Variants in ABCA1 observed in about 807,000 individuals in gnomAD.
ABCA1 encodes phospholipid-transporting ATPase ABCA1.
A neutral mutation model predicts 262.5 loss-of-function variants in ABCA1; 133 were observed. The ratio of observed to expected loss-of-function variants is 0.51; its 90% CI spans 0.44 to 0.59. ABCA1 has a LOEUF of 0.59. Among genes scored for constraint, ABCA1 ranks in the 20% least tolerant of loss-of-function variants. The pLI is 0.00. For synonymous variants in ABCA1, 1,022 were observed against 1,043.5 expected (o/e 0.98, Z 0.40); for missense variants, 2,452 against 2,777.5 (o/e 0.88, Z 2.63).
At chr9:104,857,321 C>G (rs1835930903) in intron 7 of ABCA1, among the ~76,000 whole-genome samples, 1 of 152,060 alleles carries the variant, frequency 6.6e-6, no homozygotes, top group Non-Finnish European at 1.5e-5. Context: ...CAGCCTCCAC[C>G]TCCTAGGCTC....
chr9:104,898,159 T>A (rs1840369687), intron 2 of ABCA1, among the ~76,000 whole-genome samples: 1 of 152,150 alleles, frequency 6.6e-6, no homozygotes, highest in Non-Finnish European at 1.5e-5. Context: ...TGATTACAAT[T>A]GCTTTCTTGG....
chr9:104,855,122 T>C, intron 7 of ABCA1: 1 of 981,666 alleles, frequency 1.0e-6, no homozygotes, highest in Non-Finnish European at 1.2e-6. Context: ...AGAATGCAGT[T>C]TTTCACTGAA....
Position 104,903,663 on chromosome 9 carries a change from T to C in ABCA1, c.17A>G (p.Gln6Arg). The C allele has an allele frequency of 6.3e-7, 1 of 1,584,032 alleles. No individual in the cohort carries two copies. Among genetic ancestry groups the C allele is most frequent in the Non-Finnish European group, 8.6e-7 (1 of 1,164,726 alleles). Residue 6 changes from glutamine to arginine, a missense_variant, in exon 2 of 50, where the codon CAG becomes CGG. By Grantham distance (43) the Gln-to-Arg change is conservative. Coordinates refer to ENST00000374736, the MANE Select transcript of ABCA1 (RefSeq NM_005502.4). The stretch of plus-strand genomic sequence containing the variant: ...GTTCTTCCACAGCAGCAACCTCAGC[T>C]GAGGCCAACAAGCCATGTTCCCTCA... MACWP[Q>R]LRLLLWKNLT...
intron 2 of ABCA1, among the ~76,000 whole-genome samples, chr9:104,892,706 T>C (rs1839857748): frequency 6.6e-6 from 1 of 152,044 alleles, no homozygotes; most frequent in Non-Finnish European, 1.5e-5. Flanking sequence ...ATAAATCAGT[T>C]GAGCCCTTTG....
chr9:104,830,075 C>T (rs78548599), intron 14 of ABCA1, among the ~76,000 whole-genome samples: 4,991 of 152,228 alleles, frequency 0.033, 117 homozygotes, highest in Non-Finnish European at 0.051. Flanking sequence ...AACTACACCT[C>T]CGCCCATTGT....
At chr9:104,837,343 G>A (rs377259260) in intron 10 of ABCA1, 85 bp downstream of exon 10, 37 of 1,560,854 alleles carry the variant, frequency 2.4e-5, no homozygotes, top group East Asian at 6.7e-5. Flanking sequence ...TATACTTAGC[G>A]CACACCTCTG....
intron 6 of ABCA1, among the ~76,000 whole-genome samples, chr9:104,859,442 C>T (rs776840236): frequency 6.9e-6 from 1 of 144,404 alleles, no homozygotes; most frequent in Non-Finnish European, 1.5e-5. Flanking sequence ...TTTGCATCCA[C>T]AGTGCTGAAA....
At chr9:104,831,264 C>T (rs1199833746) in intron 13 of ABCA1, among the ~76,000 whole-genome samples, 163 bp from the exon 14 acceptor site, 1 of 148,674 alleles carries the variant, frequency 6.7e-6, no homozygotes, top group Non-Finnish European at 1.5e-5. Flanking sequence ...ATTGCCCAGG[C>T]GGGAGTGCAA....
At chr9:104,809,338 CATA>C in intron 30 of ABCA1, 125 bp downstream of exon 30, 1 of 939,780 alleles carries the variant, frequency 1.1e-6, no homozygotes, top group Non-Finnish European at 1.7e-6. Context: ...GTAAATAAAA[CATA>C]ATAATAATTC....
At chr9:104,822,434 T>G in intron 19 of ABCA1, 62 bp downstream of exon 19, 1 of 1,603,092 alleles carries the variant, frequency 6.2e-7, no homozygotes, top group Non-Finnish European at 8.5e-7. Flanking sequence ...AGGTATAAAT[T>G]TCTAACTCTA....
chr9:104,862,059 C>CACACACACACACACACACACACACAT (rs1564196491), intron 5 of ABCA1, among the ~76,000 whole-genome samples: 13 of 149,078 alleles, frequency 8.7e-5, no homozygotes, highest in African/African-American at 2.5e-4. Context: ...TACACACACA[C>CACACACACACACACACACACACACAT]ACACACACAC....
intron 1 of ABCA1, among the ~76,000 whole-genome samples, chr9:104,908,449 C>G (rs914112817): frequency 1.3e-5 from 2 of 152,134 alleles, no homozygotes; most frequent in Admixed American, 6.6e-5. Flanking sequence ...GGCGGATCAC[C>G]TGAGGTCAAG....
At chr9:104,906,636 A>T (rs1841164012) in intron 1 of ABCA1, among the ~76,000 whole-genome samples, 1 of 151,816 alleles carries the variant, frequency 6.6e-6, no homozygotes, top group South Asian at 2.1e-4. Context: ...ACTGGGAGCA[A>T]TTCTGTCCTA....
At chr9:104,790,883 A>C (rs1221098100) in intron 44 of ABCA1, 39 bp downstream of exon 44, 18 of 1,356,804 alleles carry the variant, frequency 1.3e-5, no homozygotes, top group Non-Finnish European at 1.9e-5. Flanking sequence ...ATTAAAAACA[A>C]AGTCTTTGCA....
At chr9:104,836,884 A>T (rs1301398677) in intron 11 of ABCA1, 96 bp downstream of exon 11, 2 of 992,806 alleles carry the variant, frequency 2.0e-6, no homozygotes, top group African/African-American at 1.6e-5. Flanking sequence ...AGATAAACTG[A>T]AAGAATTCTC....
rs1180467652 is a variant in ABCA1, at chr9:104,807,843, T to TACACAC, written c.4275-1414_4275-1413insGTGTGT. Among the ~76,000 whole-genome samples, 237 of 36,598 alleles carry TACACAC rather than the reference T, an allele frequency of 6.5e-3. 1 individual carries two copies. Among genetic ancestry groups the TACACAC allele is most frequent in the African/African-American group, 0.017 (226 of 13,244 alleles). 24.0% of individuals were successfully genotyped at this position (36,598 alleles called of 152,430 possible). The stretch of plus-strand genomic sequence containing the variant: ...AAAATAAATAAATAAAATATATATA[T>TACACAC]ATACACACACACACACACACACACA... On this transcript the variant is annotated intron_variant, in intron 30 of 49. Transcript: ENST00000374736.
rs971786359 is a variant in ABCA1, at chr9:104,781,757, A to T, written c.*2558T>A. Reference sequence around the variant, plus strand: ...GTTTTCTGAGGTGTCCCAAAGATGCAAAAGCAGAAATTTTTGAACACGTAT... The same window carrying T: ...GTTTTCTGAGGTGTCCCAAAGATGCTAAAGCAGAAATTTTTGAACACGTAT... On this transcript the variant is annotated 3_prime_UTR_variant, in exon 50 of 50. Transcript: ENST00000374736. 1.3e-5 allele frequency: 2 copies of T among 152,754 alleles called. No homozygotes were observed. The highest frequency in any genetic ancestry group is 2.4e-5 in the African/African-American group (1 of 41,590). The allele number at this position is 152,754 out of a possible 1,614,324, so 9.5% of individuals were successfully genotyped here.
rs3831227 is a variant in ABCA1 at position 104,802,289 on chromosome 9, CAG to C, written c.4593-132_4593-131del. ...TTCAAAGGAGGGCTAAATTTTGCCT[CAG>C]AGAAGTTACACGTCAGCTTCCTCTA... On this transcript the variant is annotated intron_variant, in intron 33 of 49. Coordinates refer to ENST00000374736, the MANE Select transcript of ABCA1 (RefSeq NM_005502.4). 0.69 allele frequency: 562,474 copies of C among 810,680 alleles called. 205,250 individuals are homozygous for C. Among genetic ancestry groups the C allele is most frequent in the Admixed American group, 0.76 (38,416 of 50,596 alleles). The allele number at this position is 810,680 out of a possible 1,614,324, so 50.2% of individuals were successfully genotyped here. A position where few individuals can be genotyped will look rare whatever the true frequency, so the allele number is the denominator to read the frequency against.
At chr9:104,910,481 C>T (rs1841426100) in intron 1 of ABCA1, among the ~76,000 whole-genome samples, 1 of 152,148 alleles carries the variant, frequency 6.6e-6, no homozygotes, top group Non-Finnish European at 1.5e-5. Context: ...GAGTTCTATC[C>T]AAATAGTTCA....
Sources: gnomAD v4.1 joint callset for allele counts (sites outside exome capture counted in the v4.1 genomes callset) on GRCh38, gnomAD v4.1.1 for gene constraint, MANE v1.5 for transcripts, NCBI Gene and HGNC (gene_info 2026-07-23, HGNC 2026-07-21) for gene names.